LIN52: variants seen among roughly 807,000 people sequenced by gnomAD.
LIN52 encodes protein lin-52 homolog.
A neutral mutation model predicts 18.5 loss-of-function variants in LIN52; 4 were observed. That is an observed-to-expected ratio of 0.22 (90% CI 0.11 to 0.49). The LOEUF is 0.49. Ranked by LOEUF, LIN52 falls within the 20% of genes least tolerant of loss-of-function variation. LIN52 has a pLI of 0.97. For synonymous variants in LIN52, 34 were observed against 45.5 expected, an observed-to-expected ratio of 0.75 and a Z score of 1.02; for missense variants, 102 against 139.5, an observed-to-expected ratio of 0.73 and a Z score of 1.35.
intron 1 of LIN52, among the ~76,000 whole-genome samples, chr14:74,087,888 G>C (rs982923159): frequency 6.6e-6 from 1 of 152,046 alleles, no homozygotes; most frequent in African/African-American, 2.4e-5. Flanking sequence ...ACCCATGTAG[G>C]TTATTAGATT....
At chr14:74,095,916 T>C (rs908463153) in intron 2 of LIN52, 32 bp from the exon 3 acceptor site, 6 of 1,494,276 alleles carry the variant, frequency 4.0e-6, no homozygotes, top group Admixed American at 1.8e-5. Context: ...ATCATACTTA[T>C]TGAATAAATA....
Position 74,101,151 on chromosome 14 carries a change from T to G in LIN52, c.200-4T>G. 6.2e-7 allele frequency: 1 copy of G among 1,609,530 alleles called. No homozygotes were observed. Among genetic ancestry groups the G allele is most frequent in the East Asian group, 2.2e-5 (1 of 44,800 alleles). On this transcript the variant is annotated splice_region_variant and splice_polypyrimidine_tract_variant and intron_variant, in intron 4 of 5. Transcript: ENST00000555028. ...TGATGTTGAAATAAATGATTCTGTTTCAGAACTGGGGAGTCTCACCACGGC... is the reference window on the plus strand; with the variant it reads ...TGATGTTGAAATAAATGATTCTGTTGCAGAACTGGGGAGTCTCACCACGGC...
intron 5 of LIN52, among the ~76,000 whole-genome samples, chr14:74,156,093 T>C (rs185977001): frequency 1.4e-4 from 22 of 152,370 alleles, no homozygotes; most frequent in African/African-American, 4.8e-4. Context: ...ATTGATGTTT[T>C]AGATGCAATT....
intron 5 of LIN52, among the ~76,000 whole-genome samples, chr14:74,191,199 C>G (rs2078874206): frequency 6.6e-6 from 1 of 152,244 alleles, no homozygotes; most frequent in African/African-American, 2.4e-5. Context: ...ACATTGCTCT[C>G]TTTTTGTTCT....
chr14:74,133,263 A>C (rs1332008778), intron 5 of LIN52, among the ~76,000 whole-genome samples: 2 of 152,228 alleles, frequency 1.3e-5, no homozygotes, highest in African/African-American at 4.8e-5. Context: ...GCATCTAAAT[A>C]AGCTGGGGAA....
intron 5 of LIN52, among the ~76,000 whole-genome samples, chr14:74,188,213 T>C (rs2061348634): frequency 6.6e-6 from 1 of 152,062 alleles, no homozygotes; most frequent in South Asian, 2.1e-4. Context: ...CTAACAATAT[T>C]AAAATAAAAT....
chr14:74,098,572 A>G (rs1595149157), intron 4 of LIN52, among the ~76,000 whole-genome samples: 2 of 141,356 alleles, frequency 1.4e-5, no homozygotes, highest in East Asian at 2.2e-4. Context: ...TTTCAGACGG[A>G]GTCTCGCTTT....
chr14:74,153,821 GGCGTGA>G (rs2061187063), intron 5 of LIN52, among the ~76,000 whole-genome samples: 1 of 152,174 alleles, frequency 6.6e-6, no homozygotes, highest in Non-Finnish European at 1.5e-5. Flanking sequence ...TGGGATTACA[GGCGTGA>G]GCCACCATGC....
At chr14:74,163,801 G>A (rs60201687) in intron 5 of LIN52, among the ~76,000 whole-genome samples, 2,241 of 152,200 alleles carry the variant, frequency 0.015, 48 homozygotes, top group African/African-American at 0.051. Context: ...GAAGATTGGT[G>A]GTACAGGTGA....
intron 5 of LIN52, among the ~76,000 whole-genome samples, chr14:74,170,164 A>G (rs2061264467): frequency 6.6e-6 from 1 of 152,214 alleles, no homozygotes; most frequent in Admixed American, 6.5e-5. Flanking sequence ...AAGAAAAGCA[A>G]GAGACAAAGT....
intron 5 of LIN52, among the ~76,000 whole-genome samples, chr14:74,129,227 G>C (rs1199581337): frequency 6.6e-6 from 1 of 152,170 alleles, no homozygotes; most frequent in Non-Finnish European, 1.5e-5. Context: ...AAGCTAGTGG[G>C]AGAAGTGGAG....
chr14:74,121,882 G>T (rs781156765), intron 5 of LIN52, among the ~76,000 whole-genome samples: 1 of 151,890 alleles, frequency 6.6e-6, no homozygotes, highest in African/African-American at 2.4e-5. Flanking sequence ...CACACCACGC[G>T]TGGCTAATTT....
At chr14:74,112,132 G>A (rs1595157959) in intron 5 of LIN52, among the ~76,000 whole-genome samples, 2 of 152,082 alleles carry the variant, frequency 1.3e-5, no homozygotes, top group Admixed American at 6.5e-5. Flanking sequence ...CGCCCACCTC[G>A]GCCTCCCAAA....
intron 5 of LIN52, among the ~76,000 whole-genome samples, chr14:74,106,712 G>A (rs894628635): frequency 5.3e-5 from 8 of 152,206 alleles, no homozygotes; most frequent in East Asian, 3.9e-4. Context: ...TGCTTCAGCC[G>A]TCCAAGTAGC....
chr14:74,112,511 A>G (rs2060935932), intron 5 of LIN52, among the ~76,000 whole-genome samples: 1 of 152,152 alleles, frequency 6.6e-6, no homozygotes, highest in South Asian at 2.1e-4. Flanking sequence ...CTCTTGTCTC[A>G]ATACTTTCCC....
intron 5 of LIN52, among the ~76,000 whole-genome samples, chr14:74,191,974 A>G (rs2078879832): frequency 6.6e-6 from 1 of 152,180 alleles, no homozygotes. Flanking sequence ...GGCTAGAAGT[A>G]TCTACTGGTA....
At chr14:74,113,449 A>G (rs1275209729) in intron 5 of LIN52, among the ~76,000 whole-genome samples, 4 of 152,142 alleles carry the variant, frequency 2.6e-5, no homozygotes, top group African/African-American at 4.8e-5. Flanking sequence ...ATGGGTAGAA[A>G]TGGAAAGGGA....
rs567242775 is a variant in LIN52, at chr14:74,098,651, G to A, written c.199+791G>A. Among the ~76,000 whole-genome samples, 139 of 151,156 alleles carry A rather than the reference G, an allele frequency of 9.2e-4. 1 individual carries two copies. Among genetic ancestry groups the A allele is most frequent in the Middle Eastern group, 3.4e-3 (1 of 290 alleles). On this transcript the variant is annotated intron_variant, in intron 4 of 5. Transcript: ENST00000555028. ...CAACCTCCGCCTCCTGGGTTCAAGC[G>A]ATTCTCCTGCCTCAGCCTCCCGAGT...
At chr14:74,131,540 G>A (rs1159726299) in intron 5 of LIN52, among the ~76,000 whole-genome samples, 4 of 151,924 alleles carry the variant, frequency 2.6e-5, no homozygotes, top group Non-Finnish European at 1.5e-5. Context: ...GGCTGGTCTC[G>A]AACTCCTGAC....
Sources: allele counts gnomAD v4.1 joint callset (sites outside exome capture counted in the v4.1 genomes callset), GRCh38; gene constraint gnomAD v4.1.1; transcripts MANE v1.5; gene names NCBI Gene and HGNC (gene_info 2026-07-23, HGNC 2026-07-21).